GRIA1: variants seen among roughly 807,000 people sequenced by gnomAD.
GRIA1 encodes the protein glutamate receptor 1.
GRIA1 carries 31 observed loss-of-function variants against 99.2 expected under a neutral mutation model. The ratio of observed to expected loss-of-function variants is 0.31; its 90% CI spans 0.23 to 0.42. The LOEUF (loss-of-function observed/expected upper bound fraction) is 0.42. Among genes scored for constraint, GRIA1 ranks in the 10% least tolerant of loss-of-function variants. GRIA1 has a pLI of 1.00. For synonymous variants in GRIA1, 438 were observed against 432.4 expected (o/e 1.01, Z -0.16); for missense variants, 782 against 1,157.5 (o/e 0.68, Z 4.71).
intron 2 of GRIA1, among the ~76,000 whole-genome samples, chr5:153,638,769 G>A (rs919369709): frequency 6.6e-6 from 1 of 152,236 alleles, no homozygotes; most frequent in Non-Finnish European, 1.5e-5. Flanking sequence ...ATGGGTGTTA[G>A]ATAAAAAATT....
rs547307061 is a variant in GRIA1 at position 153,522,231 on chromosome 5, G to T, written c.220+28166G>T. ...CCTCAGTTTTCTCATTTGCAAGATG[G>T]TTATTGTAAGGACTGAATCAGAGAA... is the stretch of plus-strand genomic sequence containing the variant. On this transcript the variant is annotated intron_variant, in intron 2 of 15. Transcript: ENST00000285900. Among the ~76,000 whole-genome samples the T allele has an allele frequency of 3.3e-5, 5 of 152,324 alleles. No individual in the cohort carries two copies. In the South Asian group the frequency reaches 8.3e-4, roughly 25 times the overall value.
intron 2 of GRIA1, among the ~76,000 whole-genome samples, chr5:153,541,819 G>C (rs143168510): frequency 6.7e-6 from 1 of 149,664 alleles, no homozygotes; most frequent in Non-Finnish European, 1.5e-5. Context: ...AGTCTCAGCT[G>C]CTTGAGAGGC....
chr5:153,803,939 G>A (rs1307303565), intron 15 of GRIA1, among the ~76,000 whole-genome samples: 1 of 152,104 alleles, frequency 6.6e-6, no homozygotes, highest in African/African-American at 2.4e-5. Context: ...TTCTGTACAT[G>A]AGGAGCTGGG....
intron 2 of GRIA1, among the ~76,000 whole-genome samples, chr5:153,613,332 A>G (rs6886847): frequency 0.22 from 33,611 of 152,080 alleles, 4,273 homozygotes; most frequent in Non-Finnish European, 0.29. Flanking sequence ...TGATTGATGC[A>G]GCATTTTTTC....
intron 2 of GRIA1, among the ~76,000 whole-genome samples, chr5:153,518,366 C>A (rs1453869394): frequency 6.6e-6 from 1 of 152,144 alleles, no homozygotes; most frequent in African/African-American, 2.4e-5. Context: ...TATCCTGTGT[C>A]TAGTCTGGGG....
chr5:153,619,854 T>C (rs1172572103), intron 2 of GRIA1, among the ~76,000 whole-genome samples: 1 of 152,102 alleles, frequency 6.6e-6, no homozygotes, highest in Non-Finnish European at 1.5e-5. Context: ...TGCTCAAGTG[T>C]TGTTGCTGCC....
At chr5:153,714,563 A>G (rs1759534794) in intron 11 of GRIA1, among the ~76,000 whole-genome samples, 1 of 152,202 alleles carries the variant, frequency 6.6e-6, no homozygotes, top group African/African-American at 2.4e-5. Context: ...TTTCCCAGAG[A>G]CGACCTCTTG....
chr5:153,721,151 C>T (rs929415612), intron 11 of GRIA1, among the ~76,000 whole-genome samples: 4 of 152,154 alleles, frequency 2.6e-5, no homozygotes, highest in African/African-American at 9.7e-5. Context: ...AAAACTCAGA[C>T]AGGGAAAAGG....
At chr5:153,679,818 T>C (rs933243710) in intron 7 of GRIA1, among the ~76,000 whole-genome samples, 1 of 152,220 alleles carries the variant, frequency 6.6e-6, no homozygotes, top group Admixed American at 6.5e-5. Flanking sequence ...ACCTGGGTTG[T>C]CTATAAGTTA....
chr5:153,548,401 G>T (rs956420831), intron 2 of GRIA1, among the ~76,000 whole-genome samples: 1 of 152,164 alleles, frequency 6.6e-6, no homozygotes, highest in Admixed American at 6.5e-5. Context: ...TTTGGGGTCT[G>T]CAAGGCGAAT....
intron 7 of GRIA1, among the ~76,000 whole-genome samples, chr5:153,680,387 C>T (rs1320920636): frequency 6.6e-6 from 1 of 152,064 alleles, no homozygotes; most frequent in Non-Finnish European, 1.5e-5. Context: ...ATGTCGCCTT[C>T]TGGACGGTGG....
intron 2 of GRIA1, among the ~76,000 whole-genome samples, chr5:153,557,468 T>C (rs1459530170): frequency 1.3e-5 from 2 of 152,194 alleles, no homozygotes. Flanking sequence ...CTTACTGTAA[T>C]TTTTTACTGT....
chr5:153,681,817 C>T (rs781356290), intron 7 of GRIA1, among the ~76,000 whole-genome samples: 4 of 152,004 alleles, frequency 2.6e-5, no homozygotes, highest in Non-Finnish European at 5.9e-5. Context: ...GGGCAGATCA[C>T]GAGGTAAGGA....
In GRIA1 at chr5:153,671,909, A is replaced by G. The variant is rs568868832; in HGVS notation, c.700-2591A>G. 1.7e-3 allele frequency among the ~76,000 whole-genome samples: 257 copies of G among 152,272 alleles called. 5 individuals carry two copies. In the South Asian group the frequency reaches 0.025, roughly 15 times the overall value. On this transcript the variant is annotated intron_variant, in intron 5 of 15. Coordinates refer to ENST00000285900, the MANE Select transcript of GRIA1 (RefSeq NM_000827.4). ...CAAGATAATCTCAAATGGTGATAAA[A>G]ACTCTGGAGAAGCTCTAACAGGGCA...
intron 2 of GRIA1, among the ~76,000 whole-genome samples, chr5:153,646,697 G>A (rs892107494): frequency 5.3e-5 from 8 of 152,270 alleles, no homozygotes; most frequent in African/African-American, 1.4e-4. Context: ...CATCGAACAG[G>A]TGAATGTGTG....
At chr5:153,554,596 C>T (rs7724886) in intron 2 of GRIA1, among the ~76,000 whole-genome samples, 70,918 of 151,952 alleles carry the variant, frequency 0.47, 18,280 homozygotes, top group Non-Finnish European at 0.59. Context: ...CAGGTTCAAG[C>T]GATTCTCCTG....
chr5:153,528,969 TC>T (rs1437768717), intron 2 of GRIA1, among the ~76,000 whole-genome samples: 1 of 152,134 alleles, frequency 6.6e-6, no homozygotes, highest in Admixed American at 6.5e-5. Context: ...TGAATGAGTC[TC>T]CCCATCTTTC....
At chr5:153,646,672 C>T (rs1194320982) in intron 2 of GRIA1, among the ~76,000 whole-genome samples, 2 of 152,106 alleles carry the variant, frequency 1.3e-5, no homozygotes, top group Non-Finnish European at 2.9e-5. Flanking sequence ...ATTGGATTTA[C>T]ACAGATGAAT....
chr5:153,644,281 T>C (rs1753977802), intron 2 of GRIA1, among the ~76,000 whole-genome samples: 1 of 152,178 alleles, frequency 6.6e-6, no homozygotes, highest in South Asian at 2.1e-4. Context: ...GTGCCTATTG[T>C]GGGCTGTGGA....
Sources: gnomAD v4.1 joint callset for allele counts (sites outside exome capture counted in the v4.1 genomes callset) on GRCh38, gnomAD v4.1.1 for gene constraint, MANE v1.5 for transcripts, NCBI Gene and HGNC (gene_info 2026-07-23, HGNC 2026-07-21) for gene names.